The following ARL15 variants were observed in gnomAD, a reference collection of about 807,000 sequenced individuals.
ARL15 encodes the protein ARF like GTPase 15.
ARL15 carries 19 observed loss-of-function variants against 25.2 expected under a neutral mutation model. The ratio of observed to expected loss-of-function variants is 0.75; its 90% CI spans 0.53 to 1.10. The LOEUF (loss-of-function observed/expected upper bound fraction) is 1.10, where lower values mean the gene tolerates loss of function less well. Among genes scored for constraint, ARL15 ranks in the 50% least tolerant of loss-of-function variants. The pLI is 0.00. For missense variants in ARL15, 220 were observed against 246.0 expected (o/e 0.89, Z 0.71); for synonymous variants, 94 against 86.8 (o/e 1.08, Z -0.46).
intron 1 of ARL15, among the ~76,000 whole-genome samples, chr5:54,295,127 T>C (rs985457968): frequency 5.3e-5 from 8 of 152,260 alleles, no homozygotes; most frequent in Non-Finnish European, 1.2e-4. Flanking sequence ...AAGAATCTGA[T>C]GTGAAGAATT....
chr5:54,178,693 G>A (rs1320927277), intron 1 of ARL15, among the ~76,000 whole-genome samples: 1 of 152,188 alleles, frequency 6.6e-6, no homozygotes, highest in Admixed American at 6.5e-5. Flanking sequence ...CTAAAAAGAA[G>A]TCAATTTCTA....
At chr5:53,957,973 G>GC (rs2112139011) in intron 4 of ARL15, among the ~76,000 whole-genome samples, 1 of 152,268 alleles carries the variant, frequency 6.6e-6, no homozygotes, top group Admixed American at 6.5e-5. Context: ...ACTTTGGGAG[G>GC]CCAAGGCGGG....
At chr5:54,218,597 G>A (rs552032227) in intron 1 of ARL15, among the ~76,000 whole-genome samples, 158 of 152,198 alleles carry the variant, frequency 1.0e-3, no homozygotes, top group African/African-American at 3.5e-3. Flanking sequence ...GGATTCCCGC[G>A]GTAGCATAAA....
At chr5:54,085,519 G>C (rs1044181001) in intron 4 of ARL15, among the ~76,000 whole-genome samples, 2 of 152,122 alleles carry the variant, frequency 1.3e-5, no homozygotes, top group African/African-American at 4.8e-5. Context: ...GTCACTGAAC[G>C]TACAGACTAA....
At chr5:54,210,581 T>C (rs1207828187) in intron 1 of ARL15, among the ~76,000 whole-genome samples, 12 of 152,170 alleles carry the variant, frequency 7.9e-5, no homozygotes. Flanking sequence ...TGACAACAAA[T>C]GATAACTGTA....
At chr5:54,079,205 G>A (rs568545076) in intron 4 of ARL15, among the ~76,000 whole-genome samples, 1 of 152,064 alleles carries the variant, frequency 6.6e-6, no homozygotes, top group East Asian at 1.9e-4. Context: ...AAATAAGTTG[G>A]CTTTTTGTCA....
chr5:54,135,095 C>T (rs1396446370), intron 3 of ARL15, among the ~76,000 whole-genome samples: 3 of 151,888 alleles, frequency 2.0e-5, no homozygotes, highest in Non-Finnish European at 4.4e-5. Flanking sequence ...CAAGCTGGAA[C>T]AATGAGCCAG....
intron 1 of ARL15, among the ~76,000 whole-genome samples, chr5:54,242,126 C>T (rs1222964967): frequency 6.6e-6 from 1 of 152,080 alleles, no homozygotes; most frequent in African/African-American, 2.4e-5. Context: ...ATGTGCCCCT[C>T]TTCTTCTCCT....
chr5:54,059,039 C>T (rs114576348), intron 4 of ARL15, among the ~76,000 whole-genome samples: 3,242 of 152,270 alleles, frequency 0.021, 87 homozygotes, highest in African/African-American at 0.058. Context: ...TTTTAAACTG[C>T]AGTCTAAAAG....
intron 4 of ARL15, among the ~76,000 whole-genome samples, chr5:54,021,764 T>C (rs746238603): frequency 8.5e-5 from 13 of 152,116 alleles, no homozygotes; most frequent in Non-Finnish European, 1.5e-4. Context: ...ACATAATGAT[T>C]GAAGAAGTTT....
intron 4 of ARL15, among the ~76,000 whole-genome samples, chr5:54,033,450 A>T (rs1750060932): frequency 6.6e-6 from 1 of 152,090 alleles, no homozygotes; most frequent in African/African-American, 2.4e-5. Flanking sequence ...CGGGTGGATC[A>T]TGAGGTCAAG....
At chr5:54,046,569 C>A (rs1171374084) in intron 4 of ARL15, among the ~76,000 whole-genome samples, 1 of 151,866 alleles carries the variant, frequency 6.6e-6, no homozygotes, top group Non-Finnish European at 1.5e-5. Flanking sequence ...AAAATACAAA[C>A]CAGTTTGAAT....
At chr5:54,143,618 G>T (rs961687984) in intron 3 of ARL15, among the ~76,000 whole-genome samples, 12 of 151,546 alleles carry the variant, frequency 7.9e-5, no homozygotes, top group Non-Finnish European at 5.9e-5. Flanking sequence ...CAACTTTTTT[G>T]ATTGTTTTAT....
In ARL15 at chr5:54,163,355, GCT is replaced by G. The variant is rs1156776516; in HGVS notation, c.193+8427_193+8428del. Among the ~76,000 whole-genome samples, 285 of 51,336 alleles carry G rather than the reference GCT, an allele frequency of 5.6e-3. 79 individuals are homozygous for G. Among genetic ancestry groups the G allele is most frequent in the South Asian group, 8.4e-3 (9 of 1,068 alleles). The allele number at this position is 51,336 out of a possible 152,430, so 33.7% of individuals were successfully genotyped here. A position where few individuals can be genotyped will look rare whatever the true frequency, so the allele number is the denominator to read the frequency against. On this transcript the variant is annotated intron_variant, in intron 2 of 4. Coordinates refer to ENST00000504924, the MANE Select transcript of ARL15 (RefSeq NM_019087.3). Reference sequence around the variant, plus strand: ...TGTCCATGAGGGCTATTGGTATGAAGCTTTTTTTTTTTTTTTTTTTTTTTTTT... The same window carrying G: ...TGTCCATGAGGGCTATTGGTATGAAGTTTTTTTTTTTTTTTTTTTTTTTTT...
chr5:54,246,693 C>A (rs1223734768), intron 1 of ARL15, among the ~76,000 whole-genome samples: 1 of 151,986 alleles, frequency 6.6e-6, no homozygotes, highest in East Asian at 1.9e-4. Flanking sequence ...CGACCATCAC[C>A]AAGTTCAAGT....
In ARL15 at chr5:54,270,987, G is replaced by A. The variant is rs192597027; in HGVS notation, c.48+39445C>T. On this transcript the variant is annotated intron_variant, in intron 1 of 4. Coordinates refer to ENST00000504924, the MANE Select transcript of ARL15 (RefSeq NM_019087.3). ...AGGTGAATGTGTCATTCTATCTCCA[G>A]GATCTGGAATACACTCATCCCCTGC... Among the ~76,000 whole-genome samples the A allele has an allele frequency of 6.6e-5, 10 of 152,304 alleles. No homozygotes were observed. In the East Asian group the frequency reaches 1.7e-3, roughly 26 times the overall value.
intron 1 of ARL15, among the ~76,000 whole-genome samples, chr5:54,291,367 C>A (rs1445582448): frequency 6.6e-6 from 1 of 152,164 alleles, no homozygotes; most frequent in Non-Finnish European, 1.5e-5. Flanking sequence ...TTGCATGTAA[C>A]CTACACATAT....
At chr5:54,107,143 G>A (rs191785381) in intron 4 of ARL15, among the ~76,000 whole-genome samples, 1 of 152,114 alleles carries the variant, frequency 6.6e-6, no homozygotes, top group Non-Finnish European at 1.5e-5. Context: ...GGGCTAAAGC[G>A]GAACCCCGTG....
At position 54,129,876 on chromosome 5, in the gene ARL15, A is replaced by G. The variant is rs551176827; in HGVS notation, c.254-16466T>C. 1.4e-4 allele frequency among the ~76,000 whole-genome samples: 22 copies of G among 152,368 alleles called. No individual in the cohort carries two copies. The South Asian group carries it at 4.6e-3, about 32-fold the overall frequency. ...ATTCTTTTTAAAACATAGCCAAAGT[A>G]CCATCAATATATGTAAAAGAAATTA... is the stretch of plus-strand genomic sequence containing the variant. On this transcript the variant is annotated intron_variant, in intron 3 of 4. Coordinates refer to ENST00000504924, the MANE Select transcript of ARL15 (RefSeq NM_019087.3).
Sources: allele counts gnomAD v4.1 joint callset (sites outside exome capture counted in the v4.1 genomes callset), GRCh38; gene constraint gnomAD v4.1.1; transcripts MANE v1.5; gene names NCBI Gene and HGNC (gene_info 2026-07-23, HGNC 2026-07-21).